The following COL28A1 variants were observed in gnomAD, a reference collection of about 807,000 sequenced individuals.
COL28A1 encodes collagen alpha-1(XXVIII) chain.
COL28A1 carries 161 observed loss-of-function variants against 150.2 expected under a neutral mutation model. The ratio of observed to expected loss-of-function variants is 1.07; its 90% CI spans 0.94 to 1.22. The LOEUF is 1.22. Ranked by LOEUF, COL28A1 falls within the 50% of genes most tolerant of loss-of-function variation. The pLI, the probability that COL28A1 is intolerant of heterozygous loss-of-function variation, is 0.00. For synonymous variants in COL28A1, 552 were observed against 469.7 expected (o/e 1.18, Z -2.26); for missense variants, 1,617 against 1,388.3 (o/e 1.16, Z -2.62).
At chr7:7,505,809 T>A (rs1263026986) in intron 11 of COL28A1, among the ~76,000 whole-genome samples, 1 of 152,196 alleles carries the variant, frequency 6.6e-6, no homozygotes, top group African/African-American at 2.4e-5. Flanking sequence ...CCTCTTTGAA[T>A]AACATAATAA....
chr7:7,349,978 T>G, the COL28A1 span, among the ~76,000 whole-genome samples: 1 of 152,102 alleles, frequency 6.6e-6, no homozygotes. Context: ...TGGAGAGAGA[T>G]AACCTGGAAA....
chr7:7,355,276 G>C (rs561829597), downstream of COL28A1, among the ~76,000 whole-genome samples: 4 of 152,198 alleles, frequency 2.6e-5, no homozygotes, highest in Admixed American at 6.5e-5. Context: ...CAGCAGCACA[G>C]AGGGTAAATA....
At chr7:7,359,401 G>C (rs1326838975) in intron 34 of COL28A1, among the ~76,000 whole-genome samples, 3 of 152,052 alleles carry the variant, frequency 2.0e-5, no homozygotes, top group Non-Finnish European at 4.4e-5. Flanking sequence ...ACGTCATATT[G>C]TCTTATCGTA....
chr7:7,449,596 G>T (rs1409277404), intron 18 of COL28A1, among the ~76,000 whole-genome samples: 4 of 151,890 alleles, frequency 2.6e-5, no homozygotes. Context: ...CAGACAGTAT[G>T]ATTGTGTACA....
intron 18 of COL28A1, among the ~76,000 whole-genome samples, chr7:7,451,414 C>T (rs1046676372): frequency 2.0e-5 from 3 of 151,906 alleles, no homozygotes; most frequent in East Asian, 3.9e-4. Context: ...TTAGTAGAGA[C>T]GGGGTTTCAC....
At chr7:7,534,824 CT>C (rs1782557373) in intron 1 of COL28A1, among the ~76,000 whole-genome samples, 1 of 152,018 alleles carries the variant, frequency 6.6e-6, no homozygotes, top group South Asian at 2.1e-4. Flanking sequence ...ATATTTTGTT[CT>C]TATTTGCTCT....
the COL28A1 span, among the ~76,000 whole-genome samples, chr7:7,344,743 C>T: frequency 1.3e-5 from 2 of 151,988 alleles, no homozygotes; most frequent in African/African-American, 4.8e-5. Flanking sequence ...ACAAGACATT[C>T]CCCCCAGCAA....
intron 15 of COL28A1, among the ~76,000 whole-genome samples, chr7:7,466,349 G>C (rs1583442442): frequency 1.4e-5 from 2 of 146,536 alleles, no homozygotes; most frequent in African/African-American, 2.5e-5. Context: ...GGAAGAAAGG[G>C]TTATCAGCAA....
chr7:7,442,323 G>A (rs1398777012), intron 20 of COL28A1, among the ~76,000 whole-genome samples: 1 of 152,130 alleles, frequency 6.6e-6, no homozygotes, highest in East Asian at 1.9e-4. Flanking sequence ...ACAATGTGGG[G>A]TTTAAACCTC....
intron 27 of COL28A1, among the ~76,000 whole-genome samples, chr7:7,388,943 G>T (rs1023607846): frequency 7.2e-5 from 11 of 152,130 alleles, no homozygotes; most frequent in Non-Finnish European, 1.5e-4. Flanking sequence ...CCATTCTGTA[G>T]GTTGCCTGTT....
chr7:7,513,675 C>G (rs893535420), intron 8 of COL28A1, among the ~76,000 whole-genome samples: 14 of 152,124 alleles, frequency 9.2e-5, no homozygotes, highest in African/African-American at 3.4e-4. Context: ...GAGTCAACCA[C>G]CAAAATATAA....
intron 13 of COL28A1, among the ~76,000 whole-genome samples, chr7:7,487,347 G>A (rs1779682270): frequency 1.3e-5 from 2 of 152,126 alleles, no homozygotes; most frequent in Admixed American, 6.5e-5. Context: ...GGAGGCAGAG[G>A]TGGGTTCATC....
intron 11 of COL28A1, among the ~76,000 whole-genome samples, chr7:7,499,011 A>G (rs140449809): frequency 6.6e-6 from 1 of 152,276 alleles, no homozygotes; most frequent in Admixed American, 6.5e-5. Context: ...CTATTGGCTG[A>G]CATCCCACAT....
At chr7:7,381,887 C>A (rs1781894160) in intron 27 of COL28A1, among the ~76,000 whole-genome samples, 1 of 152,146 alleles carries the variant, frequency 6.6e-6, no homozygotes, top group Non-Finnish European at 1.5e-5. Context: ...AATACTTTCA[C>A]TGTGGCTAAT....
chr7:7,358,837 T>C, intron 34 of COL28A1, 32 bp from the exon 35 acceptor site: 1 of 1,568,746 alleles, frequency 6.4e-7, no homozygotes. Context: ...GTGTCACGGA[T>C]TTTTCTTATA....
In COL28A1 at chr7:7,506,086, C is replaced by A; in HGVS notation, c.973-19G>T. The A allele has an allele frequency of 8.0e-7, 1 of 1,248,864 alleles. No individual in the cohort carries two copies. Among genetic ancestry groups the A allele is most frequent in the Non-Finnish European group, 1.2e-6 (1 of 846,480 alleles). 77.4% of individuals were successfully genotyped at this position (1,248,864 alleles called of 1,614,324 possible). A position where few individuals can be genotyped will look rare whatever the true frequency, so the allele number is the denominator to read the frequency against. ...TAATTCCCTGCTCCAGGATGAAAAC[C>A]AAGAATTAGTTCTGTGTACAAAAGG... On this transcript the variant is annotated intron_variant, in intron 10 of 34. Transcript: ENST00000399429.
intron 8 of COL28A1, chr7:7,511,865 T>G (rs1321647164): frequency 2.1e-6 from 1 of 467,886 alleles, no homozygotes; most frequent in African/African-American, 2.0e-5. Flanking sequence ...AACATTTGAG[T>G]TATTCTTTAG....
intron 33 of COL28A1, among the ~76,000 whole-genome samples, chr7:7,365,676 T>C (rs139824390): frequency 1.3e-5 from 2 of 152,332 alleles, no homozygotes; most frequent in South Asian, 2.1e-4. Context: ...TCTGAACACA[T>C]GTCTGCTCTG....
At chr7:7,443,986 G>GTTTTTTTTTTTTTT (rs71010980) in intron 19 of COL28A1, among the ~76,000 whole-genome samples, 11 of 95,538 alleles carry the variant, frequency 1.2e-4, no homozygotes, top group African/African-American at 1.6e-4. Context: ...TCCATCTGCT[G>GTTTTTTTTTTTTTT]TTTTTTTTTT....
Sources: gnomAD v4.1 joint callset for allele counts (sites outside exome capture counted in the v4.1 genomes callset) on GRCh38, gnomAD v4.1.1 for gene constraint, MANE v1.5 for transcripts, NCBI Gene and HGNC (gene_info 2026-07-23, HGNC 2026-07-21) for gene names.